The following TTL variants were observed in gnomAD, a reference collection of about 807,000 sequenced individuals.
The protein encoded by TTL is tubulin--tyrosine ligase.
In TTL, 10 loss-of-function variants were observed where a neutral mutation model predicts 41.1. That is an observed-to-expected ratio of 0.24 (90% CI 0.15 to 0.41). TTL has a LOEUF of 0.41. Among genes scored for constraint, TTL ranks in the 10% least tolerant of loss-of-function variants. TTL has a pLI of 1.00. For synonymous variants in TTL, 175 were observed against 175.5 expected, an observed-to-expected ratio of 1.00 and a Z score of 0.02; for missense variants, 367 against 460.4, an observed-to-expected ratio of 0.80 and a Z score of 1.86.
intron 4 of TTL, among the ~76,000 whole-genome samples, chr2:112,501,736 A>G (rs994446779): frequency 3.3e-5 from 5 of 151,980 alleles, no homozygotes; most frequent in African/African-American, 9.7e-5. Context: ...GCATGGTGGC[A>G]GGCACCTGTA....
intron 2 of TTL, among the ~76,000 whole-genome samples, chr2:112,488,171 C>A (rs1177311210): frequency 6.6e-6 from 1 of 152,184 alleles, no homozygotes; most frequent in Non-Finnish European, 1.5e-5. Context: ...TCTTAGAACC[C>A]TGAGGGGCTT....
chr2:112,524,518 T>A (rs1682324190), intron 6 of TTL, among the ~76,000 whole-genome samples: 2 of 152,170 alleles, frequency 1.3e-5, no homozygotes, highest in African/African-American at 4.8e-5. Context: ...CTCATTGTGG[T>A]TTTGATTTGC....
intron 6 of TTL, chr2:112,521,309 T>A: frequency 1.0e-6 from 1 of 985,374 alleles, no homozygotes; most frequent in Non-Finnish European, 1.2e-6. Flanking sequence ...GGTTGTAGCA[T>A]GAGCGTCATG....
chr2:112,514,218 C>T (rs1283470162), intron 5 of TTL, among the ~76,000 whole-genome samples: 3 of 151,980 alleles, frequency 2.0e-5, no homozygotes, highest in African/African-American at 4.8e-5. Context: ...CCCATCTCTA[C>T]CAAAATATGC....
chr2:112,515,765 G>A (rs1444554391), intron 5 of TTL, among the ~76,000 whole-genome samples: 1 of 152,056 alleles, frequency 6.6e-6, no homozygotes, highest in Non-Finnish European at 1.5e-5. Flanking sequence ...GGCTAACACG[G>A]TGAAACCTCG....
At chr2:112,522,947 C>T (rs183930712) in intron 6 of TTL, among the ~76,000 whole-genome samples, 1 of 152,334 alleles carries the variant, frequency 6.6e-6, no homozygotes, top group Admixed American at 6.5e-5. Flanking sequence ...GAAATCCATC[C>T]TCCCAGAGCA....
At chr2:112,487,516 A>G (rs1681272604) in intron 2 of TTL, among the ~76,000 whole-genome samples, 1 of 152,232 alleles carries the variant, frequency 6.6e-6, no homozygotes, top group South Asian at 2.1e-4. Context: ...CTCAGTAAAA[A>G]AATAATGGTT....
At chr2:112,509,877 AC>A (rs1354576132) in intron 5 of TTL, among the ~76,000 whole-genome samples, 1 of 151,498 alleles carries the variant, frequency 6.6e-6, no homozygotes, top group Non-Finnish European at 1.5e-5. Flanking sequence ...CAGGTGATCT[AC>A]CCCCCTCGGC....
chr2:112,530,199 T>C lies in TTL; in HGVS notation c.*1404T>C, dbSNP rs1005694744. 2 of 228,314 alleles carry C rather than the reference T, an allele frequency of 8.8e-6. No homozygotes were observed. The highest frequency in any genetic ancestry group is 4.4e-5 in the African/African-American group (2 of 45,072). The allele number at this position is 228,314 out of a possible 1,614,324, so 14.1% of individuals were successfully genotyped here. ...ACATTTCTGCAGTCAGGTGAGACTT[T>C]TACAAAAGAGGAGAAAATCAATGCC... On this transcript the variant is annotated 3_prime_UTR_variant, in exon 7 of 7. Transcript: ENST00000233336.
chr2:112,490,476 A>T (rs1011861956), intron 2 of TTL, among the ~76,000 whole-genome samples: 1 of 152,074 alleles, frequency 6.6e-6, no homozygotes, highest in African/African-American at 2.4e-5. Context: ...AACATGTAAC[A>T]CATAATGCAA....
intron 3 of TTL, among the ~76,000 whole-genome samples, chr2:112,498,959 G>A (rs1681613135): frequency 1.3e-5 from 2 of 151,758 alleles, no homozygotes; most frequent in South Asian, 4.2e-4. Context: ...CATGCTACCT[G>A]ATATTAAGAT....
At chr2:112,502,444 C>A (rs955377500) in intron 4 of TTL, among the ~76,000 whole-genome samples, 5 of 152,004 alleles carry the variant, frequency 3.3e-5, no homozygotes, top group African/African-American at 9.7e-5. Flanking sequence ...TGAGACCAGC[C>A]TGGCTAACAT....
At chr2:112,503,801 ACTT>A (rs1225146391) in intron 5 of TTL, among the ~76,000 whole-genome samples, 1 of 102,438 alleles carries the variant, frequency 9.8e-6, no homozygotes, top group South Asian at 3.8e-4. Context: ...TTATCCGTAA[ACTT>A]CTTTTTTTTT....
chr2:112,529,052 G>A lies in TTL; in HGVS notation c.*257G>A, dbSNP rs375841932. 1.2e-4 allele frequency: 65 copies of A among 528,038 alleles called. No homozygotes were observed. Among genetic ancestry groups the A allele is most frequent in the African/African-American group, 6.8e-4 (36 of 52,668 alleles). 32.7% of individuals were successfully genotyped at this position (528,038 alleles called of 1,614,324 possible). On this transcript the variant is annotated 3_prime_UTR_variant, in exon 7 of 7. Transcript: ENST00000233336. ...TTGGTACACAAAGGCAGCTTTGTGA[G>A]CAGAGCTCCTTCCCCTCTCCCCGGG...
intron 3 of TTL, among the ~76,000 whole-genome samples, chr2:112,500,252 G>C (rs1167690327): frequency 2.0e-5 from 3 of 151,038 alleles, no homozygotes; most frequent in Admixed American, 6.6e-5. Context: ...AGTTTTTTTG[G>C]GGGGAGTGGT....
In TTL at chr2:112,494,159, C is replaced by G; in HGVS notation, c.253C>G (p.Pro85Ala). ...ATCTGCCAGGCTAATCAAGACAAGC[C>G]CTGAACTGGCTGAGTCCTGCACATG... Reference protein sequence around the residue: ...ASLVKLIKTSPELAESCTWFP... With the variant: ...ASLVKLIKTSAELAESCTWFP... The change falls in exon 3 of 7, where the codon CCT becomes GCT. Residue 85 changes from proline to alanine, a missense_variant. By Grantham distance (27) the Pro-to-Ala change is conservative (BLOSUM62 -1). Transcript: ENST00000233336. 2 of 1,614,076 alleles carry G rather than the reference C, an allele frequency of 1.2e-6. No homozygotes were observed. The highest frequency in any genetic ancestry group is 1.7e-6 in the Non-Finnish European group (2 of 1,179,992).
At position 112,538,846 on chromosome 2, in the gene TTL, G is replaced by A. The variant is rs907381535; in HGVS notation, c.*10051G>A. 8 of 152,288 alleles carry A rather than the reference G, an allele frequency of 5.3e-5. No homozygotes were observed. The highest frequency in any genetic ancestry group is 8.8e-5 in the Non-Finnish European group (6 of 68,164). 9.4% of individuals were successfully genotyped at this position (152,288 alleles called of 1,614,324 possible). On this transcript the variant is annotated 3_prime_UTR_variant, in exon 7 of 7. Transcript: ENST00000233336. Reference sequence around the variant, plus strand: ...ATAAAGTTGGGAAGAGGCCAGTCGCGGTGGCTCACGCCTGTCATCCCAGCA... The same window carrying A: ...ATAAAGTTGGGAAGAGGCCAGTCGCAGTGGCTCACGCCTGTCATCCCAGCA...
chr2:112,515,755 G>A (rs1358991242), intron 5 of TTL, among the ~76,000 whole-genome samples: 1 of 152,086 alleles, frequency 6.6e-6, no homozygotes, highest in Non-Finnish European at 1.5e-5. Flanking sequence ...AGATCATCCT[G>A]GCTAACACGG....
chr2:112,484,089 G>A (rs896075523), intron 1 of TTL, among the ~76,000 whole-genome samples: 1 of 152,074 alleles, frequency 6.6e-6, no homozygotes, highest in Non-Finnish European at 1.5e-5. Flanking sequence ...ACATGGCTCC[G>A]CCCAGGCAGA....
Sources: allele counts gnomAD v4.1 joint callset (sites outside exome capture counted in the v4.1 genomes callset), GRCh38; gene constraint gnomAD v4.1.1; transcripts MANE v1.5; gene names NCBI Gene and HGNC (gene_info 2026-07-23, HGNC 2026-07-21).